LDLRAD4: variants seen among roughly 807,000 people sequenced by gnomAD.
LDLRAD4 encodes the protein low density lipoprotein receptor class A domain containing 4.
Under a neutral mutation model 17.0 loss-of-function variants are expected in LDLRAD4, and 5 were observed. That is an observed-to-expected ratio of 0.29 (90% CI 0.15 to 0.62). The LOEUF (loss-of-function observed/expected upper bound fraction) is 0.62, where lower values mean the gene tolerates loss of function less well. Among genes scored for constraint, LDLRAD4 ranks in the 20% least tolerant of loss-of-function variants. The pLI is 0.84. For synonymous variants in LDLRAD4, 168 were observed against 171.8 expected (o/e 0.98, Z 0.17); for missense variants, 340 against 424.7 (o/e 0.80, Z 1.75).
intron 3 of LDLRAD4, among the ~76,000 whole-genome samples, chr18:13,505,688 G>GCA (rs758154147): frequency 2.0e-5 from 3 of 151,506 alleles, no homozygotes; most frequent in African/African-American, 4.8e-5. Context: ...CGTGGTGGTG[G>GCA]GCACCTGTAG....
At chr18:13,288,546 A>G (rs1270888371) in intron 1 of LDLRAD4, among the ~76,000 whole-genome samples, 1 of 152,268 alleles carries the variant, frequency 6.6e-6, no homozygotes, top group African/African-American at 2.4e-5. Flanking sequence ...GTGTTAGCGC[A>G]ATATAGTGAC....
chr18:13,226,829 A>G (rs939599791), intron 1 of LDLRAD4, among the ~76,000 whole-genome samples: 21 of 152,210 alleles, frequency 1.4e-4, no homozygotes, highest in African/African-American at 4.8e-4. Context: ...AACAAATTAT[A>G]GGATACGATG....
At chr18:13,278,674 A>G (rs113557790) in intron 1 of LDLRAD4, among the ~76,000 whole-genome samples, 5 of 152,276 alleles carry the variant, frequency 3.3e-5, no homozygotes, top group East Asian at 3.9e-4. Context: ...TTTTTTCCCT[A>G]TATTTTTAAT....
intron 1 of LDLRAD4, among the ~76,000 whole-genome samples, chr18:13,326,384 A>G (rs959846091): frequency 6.6e-6 from 1 of 152,172 alleles, no homozygotes; most frequent in African/African-American, 2.4e-5. Context: ...TGAAGAGAAA[A>G]AAGGGCGTAA....
At chr18:13,601,139 C>T (rs1237561800) in intron 3 of LDLRAD4, among the ~76,000 whole-genome samples, 1 of 152,176 alleles carries the variant, frequency 6.6e-6, no homozygotes, top group East Asian at 1.9e-4. Flanking sequence ...AACCAGGGGC[C>T]TCACATTCAC....
At chr18:13,230,058 T>G (rs2041996785) in intron 1 of LDLRAD4, among the ~76,000 whole-genome samples, 1 of 152,188 alleles carries the variant, frequency 6.6e-6, no homozygotes, top group Non-Finnish European at 1.5e-5. Context: ...ATGGGGCTTC[T>G]AGGAGGGGAT....
intron 3 of LDLRAD4, among the ~76,000 whole-genome samples, chr18:13,490,878 A>G (rs1361993714): frequency 6.6e-6 from 1 of 152,208 alleles, no homozygotes; most frequent in East Asian, 1.9e-4. Context: ...GGGAGAGTCC[A>G]GCTAAAGCTT....
chr18:13,239,615 GAGAGA>G (rs2042524837), intron 1 of LDLRAD4: 1 of 152,322 alleles, frequency 6.6e-6, no homozygotes, highest in Non-Finnish European at 1.5e-5. Context: ...CATCCGGCTG[GAGAGA>G]CCTTCAGTAG....
chr18:13,367,291 G>A lies in LDLRAD4; in HGVS notation c.-382-20050G>A, dbSNP rs866838532. On this transcript the variant is annotated intron_variant, in intron 1 of 5. Transcript: ENST00000359446. The surrounding 1 kb of genome is among the most constrained non-coding windows in gnomAD (Gnocchi z 4.1). ...ACAGAGTCAGAACCGCTGTGGCAGC[G>A]TGAGGGAGTTTTGTCAGGTGGTGTG... Among the ~76,000 whole-genome samples, 4 of 152,210 alleles carry A rather than the reference G, an allele frequency of 2.6e-5. No individual in the cohort carries two copies. The highest frequency in any genetic ancestry group is 6.5e-5 in the Admixed American group (1 of 15,284).
intron 3 of LDLRAD4, among the ~76,000 whole-genome samples, chr18:13,452,249 A>G (rs951892944): frequency 6.6e-6 from 1 of 152,152 alleles, no homozygotes; most frequent in Non-Finnish European, 1.5e-5. Context: ...TGTGCCCGGC[A>G]CAGCAGGGTC....
chr18:13,279,754 A>C (rs2045134415), intron 1 of LDLRAD4: 1 of 152,262 alleles, frequency 6.6e-6, no homozygotes, highest in South Asian at 2.1e-4. Context: ...CCTGATAATC[A>C]GAGCAGCTAA....
intron 1 of LDLRAD4, among the ~76,000 whole-genome samples, chr18:13,383,375 G>A (rs957857769): frequency 3.9e-5 from 6 of 152,162 alleles, no homozygotes; most frequent in Non-Finnish European, 7.3e-5. Context: ...GTGTGGAGTC[G>A]CAACTGCAGA....
At chr18:13,271,463 G>T (rs190360517) in intron 1 of LDLRAD4, among the ~76,000 whole-genome samples, 70 of 152,338 alleles carry the variant, frequency 4.6e-4, no homozygotes, top group Non-Finnish European at 9.6e-4. Context: ...TAGTTCACGA[G>T]GTCTTTTTGA....
At chr18:13,413,804 G>A (rs547200518) in intron 2 of LDLRAD4, among the ~76,000 whole-genome samples, 1 of 152,176 alleles carries the variant, frequency 6.6e-6, no homozygotes, top group African/African-American at 2.4e-5. Flanking sequence ...GGTGGCACAC[G>A]CCTGTAATCT....
intron 4 of LDLRAD4, among the ~76,000 whole-genome samples, chr18:13,640,276 G>C (rs894064538): frequency 2.0e-4 from 24 of 122,622 alleles, no homozygotes; most frequent in African/African-American, 8.0e-4. Context: ...CTGGGCAACA[G>C]AGCGAGATTC....
At chr18:13,583,518 A>G (rs1271161992) in intron 3 of LDLRAD4, among the ~76,000 whole-genome samples, 1 of 151,836 alleles carries the variant, frequency 6.6e-6, no homozygotes, top group African/African-American at 2.4e-5. Flanking sequence ...TGTAAAAAAT[A>G]AGTGTTATTA....
chr18:13,561,205 G>C (rs952683124), intron 3 of LDLRAD4, among the ~76,000 whole-genome samples: 3 of 152,336 alleles, frequency 2.0e-5, no homozygotes, highest in Admixed American at 2.0e-4. Context: ...GGCGTTAAGA[G>C]CGTGACATGA....
chr18:13,513,383 C>T (rs1003643076), intron 3 of LDLRAD4, among the ~76,000 whole-genome samples: 6 of 152,242 alleles, frequency 3.9e-5, no homozygotes, highest in Non-Finnish European at 7.3e-5. Flanking sequence ...GTGGGCTAAA[C>T]ACAAGATGTT....
At chr18:13,312,232 A>T (rs1395369877) in intron 1 of LDLRAD4, among the ~76,000 whole-genome samples, 1 of 152,202 alleles carries the variant, frequency 6.6e-6, no homozygotes, top group East Asian at 1.9e-4. Context: ...GCACACAATC[A>T]TTAATAATAT....
Sources: allele counts gnomAD v4.1 joint callset (sites outside exome capture counted in the v4.1 genomes callset), GRCh38; gene constraint gnomAD v4.1.1; non-coding constraint Gnocchi (gnomAD v3.1); transcripts MANE v1.5; gene names NCBI Gene and HGNC (gene_info 2026-07-23, HGNC 2026-07-21).